The following FHIT variants were observed in gnomAD, a reference collection of about 807,000 sequenced individuals.
FHIT encodes the protein bis(5'-adenosyl)-triphosphatase.
FHIT carries 19 observed loss-of-function variants against 17.9 expected under a neutral mutation model. The observed-to-expected ratio is 1.06, with a 90% confidence interval of 0.74 to 1.56. FHIT has a LOEUF of 1.56. FHIT is among the 40% of genes most tolerant of loss of function. FHIT has a pLI of 0.00. For missense variants in FHIT, 248 were observed against 189.2 expected, an observed-to-expected ratio of 1.31 and a Z score of -1.82; for synonymous variants, 81 against 69.7, an observed-to-expected ratio of 1.16 and a Z score of -0.81.
chr3:60,037,065 C>T (rs967145500), intron 5 of FHIT, among the ~76,000 whole-genome samples: 3 of 152,174 alleles, frequency 2.0e-5, no homozygotes, highest in Non-Finnish European at 4.4e-5. Context: ...ACATCGTAGA[C>T]CAACGTCACC....
chr3:61,225,653 C>G (rs969519194), intron 1 of FHIT, among the ~76,000 whole-genome samples: 3 of 152,164 alleles, frequency 2.0e-5, no homozygotes, highest in Admixed American at 2.0e-4. Flanking sequence ...TTGTTGATTC[C>G]TTTGCCTGTT....
chr3:60,479,784 T>G, intron 5 of FHIT, among the ~76,000 whole-genome samples: 1 of 152,140 alleles, frequency 6.6e-6, no homozygotes, highest in East Asian at 1.9e-4. Flanking sequence ...GGTTGCATGC[T>G]CCTTATGAGA....
intron 3 of FHIT, among the ~76,000 whole-genome samples, chr3:60,989,458 C>T (rs780112311): frequency 1.3e-5 from 2 of 152,090 alleles, no homozygotes; most frequent in African/African-American, 4.8e-5. Context: ...TTTAATTAAG[C>T]TCTTGCTACA....
chr3:61,193,785 G>A (rs1323903500), intron 2 of FHIT, among the ~76,000 whole-genome samples: 1 of 152,144 alleles, frequency 6.6e-6, no homozygotes, highest in Non-Finnish European at 1.5e-5. Context: ...CTGTAGGGAT[G>A]GAAAGGTGTG....
intron 4 of FHIT, among the ~76,000 whole-genome samples, chr3:60,599,195 C>A (rs1265580691): frequency 6.6e-6 from 1 of 152,116 alleles, no homozygotes; most frequent in Non-Finnish European, 1.5e-5. Flanking sequence ...TCTGTAATAA[C>A]TTGCATTGTC....
At chr3:61,131,251 A>T (rs1473382072) in intron 2 of FHIT, among the ~76,000 whole-genome samples, 1 of 152,202 alleles carries the variant, frequency 6.6e-6, no homozygotes, top group African/African-American at 2.4e-5. Flanking sequence ...GTACTCTAGA[A>T]GCAAAACTCA....
chr3:61,198,408 T>A (rs1198845291), intron 2 of FHIT, among the ~76,000 whole-genome samples: 1 of 151,958 alleles, frequency 6.6e-6, no homozygotes, highest in Non-Finnish European at 1.5e-5. Flanking sequence ...CATACACCCA[T>A]CCATAGGCAG....
At chr3:60,435,792 C>T (rs551456388) in intron 5 of FHIT, among the ~76,000 whole-genome samples, 42 of 152,130 alleles carry the variant, frequency 2.8e-4, no homozygotes, top group African/African-American at 9.6e-4. Flanking sequence ...TTTTCCTGAT[C>T]GTCTCCCTCC....
In FHIT at chr3:60,077,690, A is replaced by T. The variant is rs1297569298; in HGVS notation, c.104-63538T>A. Among the ~76,000 whole-genome samples, 105 of 66,280 alleles carry T rather than the reference A, an allele frequency of 1.6e-3. 1 individual carries two copies. The highest frequency in any genetic ancestry group is 2.4e-3 in the Non-Finnish European group (82 of 33,844). 43.5% of individuals were successfully genotyped at this position (66,280 alleles called of 152,430 possible). The stretch of plus-strand genomic sequence containing the variant: ...AAAAAAATCTACGATTTTACTTCAC[A>T]CACACACACACACACACACACACAC... On this transcript the variant is annotated intron_variant, in intron 5 of 9. Coordinates refer to ENST00000492590, the MANE Select transcript of FHIT (RefSeq NM_002012.4).
chr3:59,976,960 T>C (rs559328653), intron 7 of FHIT, among the ~76,000 whole-genome samples: 2 of 152,164 alleles, frequency 1.3e-5, no homozygotes, highest in African/African-American at 2.4e-5. Context: ...GGGCTTTTAA[T>C]TGAGATGCTG....
intron 8 of FHIT, among the ~76,000 whole-genome samples, chr3:59,895,906 AT>A (rs112234360): frequency 0.084 from 12,807 of 152,198 alleles, 701 homozygotes; most frequent in African/African-American, 0.15. Context: ...ATTTAACCAA[AT>A]TGTCCAATTC....
Position 60,424,601 on chromosome 3 carries a change from A to C in FHIT, c.103+112259T>G, listed in dbSNP as rs887488166. ...CACATGCATTGTGCATTTCACACCCACACACACACAAACATGCCCAAAATA... is the reference window on the plus strand; with the variant it reads ...CACATGCATTGTGCATTTCACACCCCCACACACACAAACATGCCCAAAATA... On this transcript the variant is annotated intron_variant, in intron 5 of 9. Coordinates refer to ENST00000492590, the MANE Select transcript of FHIT (RefSeq NM_002012.4). Among the ~76,000 whole-genome samples, 9 of 151,986 alleles carry C rather than the reference A, an allele frequency of 5.9e-5. 2 individuals carry two copies. Among genetic ancestry groups the C allele is most frequent in the Admixed American group, 6.6e-5 (1 of 15,204 alleles).
intron 7 of FHIT, among the ~76,000 whole-genome samples, chr3:59,953,911 G>C (rs1707257245): frequency 2.0e-5 from 3 of 152,208 alleles, no homozygotes; most frequent in African/African-American, 7.2e-5. Flanking sequence ...GAGTCAGTTT[G>C]AGTGTGTTAA....
At position 61,172,781 on chromosome 3, in the gene FHIT, C is replaced by A. The variant is rs116904295; in HGVS notation, c.-164+27836G>T. 7.2e-4 allele frequency among the ~76,000 whole-genome samples: 104 copies of A among 143,568 alleles called. 2 individuals carry two copies. The East Asian group carries it at 0.02, about 27-fold the overall frequency. The allele number at this position is 143,568 out of a possible 152,430, so 94.2% of individuals were successfully genotyped here. A position where few individuals can be genotyped will look rare whatever the true frequency, so the allele number is the denominator to read the frequency against. On this transcript the variant is annotated intron_variant, in intron 2 of 9. Transcript: ENST00000492590. ...TAGAATGCTCCTCACTGCCCCCACACAACCCCTGAGAGCCCCCACTGATGC... is the reference window on the plus strand; with the variant it reads ...TAGAATGCTCCTCACTGCCCCCACAAAACCCCTGAGAGCCCCCACTGATGC...
intron 5 of FHIT, among the ~76,000 whole-genome samples, chr3:60,510,757 T>C (rs2034920343): frequency 6.6e-6 from 1 of 152,134 alleles, no homozygotes; most frequent in African/African-American, 2.4e-5. Flanking sequence ...TTTGTACAAT[T>C]ACGAATCCAA....
At chr3:59,814,498 A>G (rs1700525139) in intron 8 of FHIT, among the ~76,000 whole-genome samples, 1 of 152,236 alleles carries the variant, frequency 6.6e-6, no homozygotes, top group South Asian at 2.1e-4. Context: ...TCTATATTTA[A>G]GAAGTTCATG....
At chr3:61,182,139 G>C (rs1459163358) in intron 2 of FHIT, among the ~76,000 whole-genome samples, 1 of 152,088 alleles carries the variant, frequency 6.6e-6, no homozygotes, top group Non-Finnish European at 1.5e-5. Flanking sequence ...GGGTAACATG[G>C]GTGAATCACA....
chr3:61,200,921 G>GT (rs2038992654), intron 1 of FHIT, among the ~76,000 whole-genome samples: 1 of 152,212 alleles, frequency 6.6e-6, no homozygotes, highest in Admixed American at 6.5e-5. Flanking sequence ...ATCTTTTGGA[G>GT]TGTGTACTCC....
intron 7 of FHIT, among the ~76,000 whole-genome samples, chr3:59,990,824 C>T (rs770278967): frequency 6.6e-6 from 1 of 152,028 alleles, no homozygotes; most frequent in Non-Finnish European, 1.5e-5. Flanking sequence ...CAAGACTGCT[C>T]ACTCATTAAG....
Sources: gnomAD v4.1 joint callset for allele counts (sites outside exome capture counted in the v4.1 genomes callset) on GRCh38, gnomAD v4.1.1 for gene constraint, MANE v1.5 for transcripts, NCBI Gene and HGNC (gene_info 2026-07-23, HGNC 2026-07-21) for gene names.